CTNNA2: variants seen among roughly 807,000 people sequenced by gnomAD.
The protein encoded by CTNNA2 is catenin alpha-2.
Under a neutral mutation model 101.0 loss-of-function variants are expected in CTNNA2, and 42 were observed. That is an observed-to-expected ratio of 0.42 (90% CI 0.32 to 0.54). The LOEUF (loss-of-function observed/expected upper bound fraction) is 0.54. CTNNA2 is among the 20% of genes least tolerant of loss of function. The probability of loss-of-function intolerance (pLI) is 0.14; values close to 1 mark genes in which losing one functional copy is unlikely to be tolerated. For synonymous variants in CTNNA2, 450 were observed against 456.4 expected (o/e 0.99, Z 0.18); for missense variants, 871 against 1,223.1 (o/e 0.71, Z 4.29).
chr2:80,613,487 A>C (rs1168261080), intron 17 of CTNNA2, among the ~76,000 whole-genome samples: 1 of 151,396 alleles, frequency 6.6e-6, no homozygotes, highest in Non-Finnish European at 1.5e-5. Context: ...TGTCTTTTGC[A>C]CTGCACCTGT....
chr2:80,571,308 C>T (rs1177653594), intron 12 of CTNNA2, among the ~76,000 whole-genome samples: 1 of 152,170 alleles, frequency 6.6e-6, no homozygotes, highest in African/African-American at 2.4e-5. Context: ...GACTTCCTCA[C>T]TTAATGATAT....
chr2:79,276,683 T>C (rs1675220750), intron 2 of CTNNA2, among the ~76,000 whole-genome samples: 1 of 152,062 alleles, frequency 6.6e-6, no homozygotes, highest in African/African-American at 2.4e-5. Context: ...TTTTGGTGGT[T>C]TTCTAAAGTT....
At chr2:79,748,439 A>G (rs943768895) in intron 3 of CTNNA2, among the ~76,000 whole-genome samples, 3 of 152,212 alleles carry the variant, frequency 2.0e-5, no homozygotes, top group African/African-American at 7.2e-5. Flanking sequence ...GCATCCATAC[A>G]TGACTTATTT....
chr2:79,356,803 T>TA lies in CTNNA2; in HGVS notation c.-317-17022dup, dbSNP rs1323146944. Among the ~76,000 whole-genome samples the TA allele has an allele frequency of 7.2e-5, 11 of 151,944 alleles. No individual in the cohort carries two copies. In the South Asian group the frequency reaches 2.1e-3, roughly 29 times the overall value. On this transcript the variant is annotated intron_variant, in intron 3 of 21. Coordinates refer to the CTNNA2 transcript ENST00000466387. ...CTTTCTACACAGGATCAGCAGATAA[T>TA]AAAAAACTACCATGTATATCAAGAA...
At chr2:80,116,597 T>C (rs1013981804) in intron 7 of CTNNA2, among the ~76,000 whole-genome samples, 4 of 152,102 alleles carry the variant, frequency 2.6e-5, no homozygotes, top group African/African-American at 9.7e-5. Context: ...CTAGAGATTA[T>C]GAGAACTTGG....
At chr2:79,252,728 G>A (rs1180250419) in intron 2 of CTNNA2, among the ~76,000 whole-genome samples, 1 of 151,792 alleles carries the variant, frequency 6.6e-6, no homozygotes, top group Non-Finnish European at 1.5e-5. Flanking sequence ...CTAATGTTGT[G>A]ATAAGTTTGT....
chr2:79,973,552 G>A (rs1690635855), intron 7 of CTNNA2, among the ~76,000 whole-genome samples: 1 of 152,150 alleles, frequency 6.6e-6, no homozygotes, highest in African/African-American at 2.4e-5. Flanking sequence ...AGGAGGAATA[G>A]GTTTTGCCCA....
intron 2 of CTNNA2, among the ~76,000 whole-genome samples, chr2:79,297,238 A>G (rs779948311): frequency 1.7e-4 from 26 of 152,064 alleles, no homozygotes; most frequent in Admixed American, 6.6e-4. Flanking sequence ...GAAACCTAAA[A>G]ATGCTTTGAG....
chr2:79,871,920 A>C (rs891918453), intron 5 of CTNNA2, among the ~76,000 whole-genome samples: 1 of 152,210 alleles, frequency 6.6e-6, no homozygotes. Context: ...ATTTATTTTT[A>C]CTTCATTAAT....
chr2:80,637,655 T>C (rs1673023829), intron 18 of CTNNA2, among the ~76,000 whole-genome samples: 1 of 152,068 alleles, frequency 6.6e-6, no homozygotes, highest in African/African-American at 2.4e-5. Context: ...ATACACCTGA[T>C]GAGGAGAGGA....
intron 7 of CTNNA2, among the ~76,000 whole-genome samples, chr2:80,389,506 C>T (rs948150287): frequency 1.3e-5 from 2 of 152,022 alleles, no homozygotes; most frequent in African/African-American, 4.8e-5. Flanking sequence ...TCTATCTCTC[C>T]CTCTTTTCCT....
chr2:80,119,230 A>C (rs1023270325), intron 7 of CTNNA2, among the ~76,000 whole-genome samples: 5 of 152,200 alleles, frequency 3.3e-5, no homozygotes, highest in African/African-American at 1.2e-4. Context: ...TTTGATAAGG[A>C]GAAGTGTCTT....
chr2:80,321,251 A>G (rs536012408), intron 7 of CTNNA2, among the ~76,000 whole-genome samples: 48 of 152,298 alleles, frequency 3.2e-4, no homozygotes, highest in African/African-American at 1.1e-3. Context: ...CCTGGAAAAA[A>G]AAAGGAAATT....
At chr2:80,484,049 G>C (rs1686354797) in intron 9 of CTNNA2, among the ~76,000 whole-genome samples, 1 of 152,028 alleles carries the variant, frequency 6.6e-6, no homozygotes, top group Admixed American at 6.6e-5. Flanking sequence ...TGTATAAAAA[G>C]AGTCATTGAA....
At chr2:80,227,967 AT>A (rs112300820) in intron 7 of CTNNA2, among the ~76,000 whole-genome samples, 2,099 of 150,578 alleles carry the variant, frequency 0.014, 54 homozygotes, top group African/African-American at 0.048. Flanking sequence ...CCCAGGCAGC[AT>A]TTTTTTTTTC....
At chr2:79,930,300 GAAAGAAAGAAAGAAAGAAAGAA>G (rs1687327461) in intron 7 of CTNNA2, among the ~76,000 whole-genome samples, 1 of 34,456 alleles carries the variant, frequency 2.9e-5, no homozygotes, top group African/African-American at 1.3e-4. Context: ...GAAAGAGAAA[GAAAGAAAGAAAGAAAGAAAGAA>G]AGAAAGAAAG....
intron 2 of CTNNA2, among the ~76,000 whole-genome samples, chr2:79,309,608 C>T: frequency 7.3e-6 from 1 of 137,522 alleles, no homozygotes; most frequent in East Asian, 2.1e-4. Flanking sequence ...TTACTTCAGG[C>T]TACCATATTT....
intron 6 of CTNNA2, among the ~76,000 whole-genome samples, chr2:79,893,240 C>G (rs1321279157): frequency 6.6e-6 from 1 of 152,120 alleles, no homozygotes; most frequent in Non-Finnish European, 1.5e-5. Flanking sequence ...CTCACATGGC[C>G]ACTAAAGTTA....
Position 79,980,971 on chromosome 2 carries a change from G to C in CTNNA2, c.1056+71174G>C, listed in dbSNP as rs142965210. ...TGTGCTGTCTTCCTCGATATATTCTGAATGGGCTCACTTGTTTTCACTAGG... is the reference window on the plus strand; with the variant it reads ...TGTGCTGTCTTCCTCGATATATTCTCAATGGGCTCACTTGTTTTCACTAGG... On this transcript the variant is annotated intron_variant, in intron 7 of 18. Coordinates refer to ENST00000402739, the MANE Select transcript of CTNNA2 (RefSeq NM_001282597.3). Among the ~76,000 whole-genome samples, 23 of 151,608 alleles carry C rather than the reference G, an allele frequency of 1.5e-4. No individual in the cohort carries two copies. In the East Asian group the frequency reaches 3.5e-3, roughly 23 times the overall value.
Sources: allele counts gnomAD v4.1 joint callset (sites outside exome capture counted in the v4.1 genomes callset), GRCh38; gene constraint gnomAD v4.1.1; transcripts MANE v1.5; gene names NCBI Gene and HGNC (gene_info 2026-07-23, HGNC 2026-07-21).